CLEC16A: variants seen among roughly 807,000 people sequenced by gnomAD.
The protein encoded by CLEC16A is protein CLEC16A.
A neutral mutation model predicts 109.5 loss-of-function variants in CLEC16A; 51 were observed. That is an observed-to-expected ratio of 0.47 (90% confidence interval 0.37 to 0.59). The LOEUF (loss-of-function observed/expected upper bound fraction) is 0.59, where lower values mean the gene tolerates loss of function less well. Ranked by LOEUF, CLEC16A falls within the 20% of genes least tolerant of loss-of-function variation. CLEC16A has a pLI of 0.00. For missense variants in CLEC16A, 1,339 were observed against 1,394.0 expected, an observed-to-expected ratio of 0.96 and a Z score of 0.63; for synonymous variants, 673 against 564.2, an observed-to-expected ratio of 1.19 and a Z score of -2.73.
At chr16:11,160,432 C>T (rs922026747) in intron 22 of CLEC16A, among the ~76,000 whole-genome samples, 8 of 152,132 alleles carry the variant, frequency 5.3e-5, no homozygotes, top group Non-Finnish European at 1.0e-4. Context: ...CCAAAAAGTC[C>T]ACTTGCACCA....
chr16:10,952,088 A>T (rs1018076381), intron 1 of CLEC16A, among the ~76,000 whole-genome samples: 3 of 152,240 alleles, frequency 2.0e-5, no homozygotes, highest in Non-Finnish European at 4.4e-5. Flanking sequence ...GAGGAAATAG[A>T]TTGCAACTCC....
At chr16:11,046,440 G>A (rs1024734651) in intron 16 of CLEC16A, among the ~76,000 whole-genome samples, 1 of 152,066 alleles carries the variant, frequency 6.6e-6, no homozygotes, top group East Asian at 1.9e-4. Context: ...AACCTAAAAA[G>A]GATCTATTCC....
chr16:11,152,293 G>A (rs2054322103), intron 22 of CLEC16A, among the ~76,000 whole-genome samples: 1 of 152,220 alleles, frequency 6.6e-6, no homozygotes, highest in Non-Finnish European at 1.5e-5. Context: ...ACCAGCTCAT[G>A]CTGCTAGCAC....
chr16:11,063,235 A>C, intron 19 of CLEC16A, among the ~76,000 whole-genome samples: 1 of 148,848 alleles, frequency 6.7e-6, no homozygotes, highest in Non-Finnish European at 1.5e-5. Context: ...CTAGGATAAG[A>C]TATGCCTGTA....
In CLEC16A at chr16:11,041,905, A is replaced by G. The variant is rs560996515; in HGVS notation, c.1661-349A>G. Reference sequence around the variant, plus strand: ...GGGGAAGGAGGATCAGCTCCACCCAAATCACATGACCCAGAGTGGGACTGG... The same window carrying G: ...GGGGAAGGAGGATCAGCTCCACCCAGATCACATGACCCAGAGTGGGACTGG... On this transcript the variant is annotated intron_variant, in intron 14 of 23. Coordinates refer to ENST00000409790, the MANE Select transcript of CLEC16A (RefSeq NM_015226.3). 4.7e-5 allele frequency: 10 copies of G among 210,770 alleles called. No homozygotes were observed. The East Asian group carries it at 1.2e-3, about 26-fold the overall frequency. 13.1% of individuals were successfully genotyped at this position (210,770 alleles called of 1,614,324 possible).
intron 10 of CLEC16A, among the ~76,000 whole-genome samples, chr16:10,992,276 C>T (rs184465916): frequency 0.044 from 6,725 of 151,800 alleles, 536 homozygotes; most frequent in African/African-American, 0.15. Flanking sequence ...CTTCCCCATC[C>T]GCATCCCTGC....
At chr16:11,101,335 A>C (rs1329168005) in intron 19 of CLEC16A, among the ~76,000 whole-genome samples, 1 of 152,080 alleles carries the variant, frequency 6.6e-6, no homozygotes, top group Admixed American at 6.6e-5. Flanking sequence ...CCTCACCCCC[A>C]ACAGTCCTCA....
At chr16:11,152,874 C>T (rs944625121) in intron 22 of CLEC16A, among the ~76,000 whole-genome samples, 3 of 152,138 alleles carry the variant, frequency 2.0e-5, no homozygotes, top group Non-Finnish European at 4.4e-5. Flanking sequence ...CATCTGCGTT[C>T]GGGCGCCAGG....
At chr16:11,166,712 C>T (rs774325199) in intron 23 of CLEC16A, among the ~76,000 whole-genome samples, 160 bp downstream of exon 23, 1 of 152,214 alleles carries the variant, frequency 6.6e-6, no homozygotes, top group African/African-American at 2.4e-5. Context: ...ATTCCTCTAA[C>T]TTGATGTTCC....
intron 19 of CLEC16A, among the ~76,000 whole-genome samples, chr16:11,112,333 G>C (rs2153004498): frequency 6.6e-6 from 1 of 152,198 alleles, no homozygotes; most frequent in East Asian, 1.9e-4. Flanking sequence ...GTGTTATCTA[G>C]TGAAAGTGGT....
intron 19 of CLEC16A, among the ~76,000 whole-genome samples, chr16:11,081,291 G>T (rs2049701074): frequency 6.6e-6 from 1 of 152,210 alleles, no homozygotes; most frequent in Non-Finnish European, 1.5e-5. Flanking sequence ...GTTGGTACAA[G>T]TTAAAATTCT....
chr16:10,965,192 G>GTTTCC (rs2042443235), intron 3 of CLEC16A, among the ~76,000 whole-genome samples: 2 of 152,188 alleles, frequency 1.3e-5, no homozygotes, highest in Non-Finnish European at 2.9e-5. Flanking sequence ...GGAAACCCAG[G>GTTTCC]CAGATGCCCC....
intron 10 of CLEC16A, among the ~76,000 whole-genome samples, chr16:10,990,242 G>T (rs547483880): frequency 6.6e-6 from 1 of 152,342 alleles, no homozygotes; most frequent in East Asian, 1.9e-4. Flanking sequence ...CCTCACTGCA[G>T]TTACGGCTCT....
At chr16:11,059,737 C>T (rs2048383986) in intron 18 of CLEC16A, among the ~76,000 whole-genome samples, 1 of 152,200 alleles carries the variant, frequency 6.6e-6, no homozygotes, top group Non-Finnish European at 1.5e-5. Flanking sequence ...TCCCCCCAAC[C>T]CCACTGTGCT....
chr16:11,136,628 T>A (rs1176402430), intron 22 of CLEC16A, among the ~76,000 whole-genome samples: 3 of 152,224 alleles, frequency 2.0e-5, no homozygotes. Flanking sequence ...ACAGAGTTGC[T>A]CTTTCACAAA....
chr16:11,036,544 CTTTTTTTT>C (rs71404440), intron 13 of CLEC16A, among the ~76,000 whole-genome samples: 25 of 131,950 alleles, frequency 1.9e-4, no homozygotes, highest in East Asian at 6.8e-4. Flanking sequence ...TCTAATTTTC[CTTTTTTTT>C]TTTTTTTTTT....
At position 11,106,576 on chromosome 16, in the gene CLEC16A, C is replaced by G. The variant is rs376324139; in HGVS notation, c.2117-14039C>G. On this transcript the variant is annotated intron_variant, in intron 19 of 23. Transcript: ENST00000409790. ...AGTCTTAGTGCTGTAGCCTCAAACT[C>G]CTGGCCTCAAGCAATCCTCCTGCCT... Among the ~76,000 whole-genome samples, 16 of 151,798 alleles carry G rather than the reference C, an allele frequency of 1.1e-4. No individual in the cohort carries two copies. In the East Asian group the frequency reaches 1.4e-3, roughly 13 times the overall value.
rs1349069579 is a variant in CLEC16A, at chr16:11,182,181, T to TA, written c.*3492dup. 6.6e-6 allele frequency: 1 copy of TA among 152,194 alleles called. No homozygotes were observed. Among genetic ancestry groups the TA allele is most frequent in the Non-Finnish European group, 1.5e-5 (1 of 68,038 alleles). The allele number at this position is 152,194 out of a possible 1,614,324, so 9.4% of individuals were successfully genotyped here. On this transcript the variant is annotated 3_prime_UTR_variant, in exon 24 of 24. Transcript: ENST00000409790. ...CTTGGCAATAAAAGAGAAAAAAAGTTACCAAGAATGTAGCGTGCTGCTCCT... is the reference window on the plus strand; with the variant it reads ...CTTGGCAATAAAAGAGAAAAAAAGTTAACCAAGAATGTAGCGTGCTGCTCCT...
chr16:11,027,894 A>C (rs2046506856), intron 13 of CLEC16A: 1 of 618,422 alleles, frequency 1.6e-6, no homozygotes, highest in South Asian at 1.9e-5. Flanking sequence ...ACTGGAAAGG[A>C]AGGGTCAAAG....
Sources: allele counts gnomAD v4.1 joint callset (sites outside exome capture counted in the v4.1 genomes callset), GRCh38; gene constraint gnomAD v4.1.1; transcripts MANE v1.5; gene names NCBI Gene and HGNC (gene_info 2026-07-23, HGNC 2026-07-21).